SH2D2A: variants seen among roughly 807,000 people sequenced by gnomAD.
SH2D2A encodes the protein SH2 domain-containing protein 2A.
Under a neutral mutation model 43.6 loss-of-function variants are expected in SH2D2A, and 33 were observed. That is an observed-to-expected ratio of 0.76 (90% CI 0.57 to 1.01). The LOEUF (loss-of-function observed/expected upper bound fraction) is 1.01. Among genes scored for constraint, SH2D2A ranks in the 50% least tolerant of loss-of-function variants. The pLI, the probability that SH2D2A is intolerant of heterozygous loss-of-function variation, is 0.00. For missense variants in SH2D2A, 491 were observed against 503.1 expected, an observed-to-expected ratio of 0.98 and a Z score of 0.23; for synonymous variants, 212 against 206.1, an observed-to-expected ratio of 1.03 and a Z score of -0.25.
Position 156,809,180 on chromosome 1 carries a change from C to T in SH2D2A, c.1002+23G>A. 1.3e-6 allele frequency: 2 copies of T among 1,582,550 alleles called. No homozygotes were observed. The highest frequency in any genetic ancestry group is 1.7e-6 in the Non-Finnish European group (2 of 1,163,180). ...CTGCAGGGAGACCTTCTTGCACCTA[C>T]CTTTCCCTGCATACCCATTTACCTG... is the stretch of plus-strand genomic sequence containing the variant. On this transcript the variant is annotated intron_variant, in intron 7 of 8. Coordinates refer to ENST00000368199, the MANE Select transcript of SH2D2A (RefSeq NM_003975.4). This position sits in a 1 kb window ranked among gnomAD's most constrained non-coding sequence, Gnocchi z 4.8.
At position 156,815,417 on chromosome 1, in the gene SH2D2A, C is replaced by T. The variant is rs1209527119; in HGVS notation, c.124-196G>A. On this transcript the variant is annotated intron_variant, in intron 2 of 8. Transcript: ENST00000368199. ...CTCCAGCTGTTCTGGCTTCCAGAGA[C>T]TCTCCTTCCTTTGCCCTCTGGGTCC... 5.2e-6 allele frequency: 3 copies of T among 573,996 alleles called. No individual in the cohort carries two copies. The African/African-American group carries it at 5.6e-5, about 11-fold the overall frequency. The allele number at this position is 573,996 out of a possible 1,614,324, so 35.6% of individuals were successfully genotyped here.
intron 1 of SH2D2A, 124 bp from the exon 2 acceptor site, chr1:156,816,218 C>G: frequency 7.0e-7 from 1 of 1,429,828 alleles, no homozygotes; most frequent in Non-Finnish European, 9.3e-7. Flanking sequence ...ACAGGAAAAA[C>G]GCAGAAGGGC....
intron 2 of SH2D2A, 69 bp from the exon 3 acceptor site, chr1:156,815,290 A>G (rs944690839): frequency 1.2e-5 from 15 of 1,207,486 alleles, no homozygotes; most frequent in Non-Finnish European, 1.5e-5. Flanking sequence ...ACTTTGATCC[A>G]CCTGCCACCT....
intron 7 of SH2D2A, among the ~76,000 whole-genome samples, chr1:156,808,726 G>C (rs1191146666): frequency 2.0e-5 from 3 of 152,162 alleles, no homozygotes; most frequent in African/African-American, 7.2e-5. Context: ...CAGGCTGGGA[G>C]AGCAGGGTCC....
At chr1:156,814,120 G>C (rs1485443957) in intron 4 of SH2D2A, 85 bp downstream of exon 4, 12 of 1,561,330 alleles carry the variant, frequency 7.7e-6, no homozygotes, top group Admixed American at 1.8e-5. Flanking sequence ...TGAGCTAAGA[G>C]CCCGGCTCCT....
intron 7 of SH2D2A, among the ~76,000 whole-genome samples, chr1:156,808,709 A>G (rs1485846577): frequency 1.3e-5 from 2 of 152,134 alleles, no homozygotes; most frequent in African/African-American, 4.8e-5. Context: ...CAGGGAGTAC[A>G]CAGAAGCAGG....
intron 2 of SH2D2A, 110 bp downstream of exon 2, chr1:156,815,896 A>G: frequency 6.2e-7 from 1 of 1,613,278 alleles, no homozygotes; most frequent in Non-Finnish European, 8.5e-7. Flanking sequence ...GACCCGGATC[A>G]TTCCTGCCTT....
At chr1:156,812,445 C>T (rs1239898716) in intron 5 of SH2D2A, among the ~76,000 whole-genome samples, 1 of 152,242 alleles carries the variant, frequency 6.6e-6, no homozygotes, top group Non-Finnish European at 1.5e-5. Context: ...ATTCCTCAGA[C>T]ACACCAAGTC....
In SH2D2A at chr1:156,809,100, C is replaced by A; in HGVS notation, c.1002+103G>T. 1 of 1,255,862 alleles carries A rather than the reference C, an allele frequency of 8.0e-7. No individual in the cohort carries two copies. 77.8% of individuals were successfully genotyped at this position (1,255,862 alleles called of 1,614,324 possible). ...CCCACATCACCTCACACCTCTGCCC[C>A]TTACCCTGCCCCAGGCATCCACTCT... is the stretch of plus-strand genomic sequence containing the variant. On this transcript the variant is annotated intron_variant, in intron 7 of 8. Coordinates refer to ENST00000368199, the MANE Select transcript of SH2D2A (RefSeq NM_003975.4). This position sits in a 1 kb window ranked among gnomAD's most constrained non-coding sequence, Gnocchi z 4.8.
chr1:156,813,582 A>G (rs973220297), intron 5 of SH2D2A, among the ~76,000 whole-genome samples: 9 of 152,002 alleles, frequency 5.9e-5, no homozygotes, highest in Non-Finnish European at 8.8e-5. Flanking sequence ...AAAACCCCAA[A>G]TGACTCTGTG....
At chr1:156,815,534 T>C in intron 2 of SH2D2A, 1 of 602,042 alleles carries the variant, frequency 1.7e-6, no homozygotes, top group Non-Finnish European at 3.0e-6. Flanking sequence ...GACAGAGTCA[T>C]TCCCTGGCCT....
intron 1 of SH2D2A, 79 bp downstream of exon 1, chr1:156,816,596 G>T: frequency 6.8e-7 from 1 of 1,474,226 alleles, no homozygotes; most frequent in Non-Finnish European, 9.3e-7. Flanking sequence ...TGAAGTGGGA[G>T]CTCAAGCCCA....
At position 156,807,252 on chromosome 1, in the gene SH2D2A, G is replaced by C. The variant is rs765013331; in HGVS notation, c.1096C>G (p.Leu366Val). The C allele has an allele frequency of 3.1e-6, 5 of 1,609,830 alleles. No homozygotes were observed. The highest frequency in any genetic ancestry group is 2.5e-6 in the Non-Finnish European group (3 of 1,179,690). ...HQPPPAWRHTLPHNLSRQVLQ... is the reference protein window; with the variant it reads ...HQPPPAWRHTVPHNLSRQVLQ... ...ACCTGTCTAGAAAGATTGTGGGGGAGGGTGTGTCTCCAGGCGGGTGGGGGC... is the reference window on the plus strand; with the variant it reads ...ACCTGTCTAGAAAGATTGTGGGGGACGGTGTGTCTCCAGGCGGGTGGGGGC... Residue 366 changes from leucine (L) to valine (V), a missense_variant, in exon 8 of 9, where the codon CTC (leucine) becomes GTC (valine). Physicochemically the swap from Leu to Val is conservative, Grantham distance 32 (BLOSUM62 1). Coordinates refer to ENST00000368199, the MANE Select transcript of SH2D2A (RefSeq NM_003975.4). The surrounding 1 kb of genome is among the most constrained non-coding windows in gnomAD (Gnocchi z 5.1).
In SH2D2A at chr1:156,809,611, C is replaced by A. The variant is rs767988556; in HGVS notation, c.714+50G>T. On this transcript the variant is annotated intron_variant, in intron 6 of 8. Transcript: ENST00000368199. This position sits in a 1 kb window ranked among gnomAD's most constrained non-coding sequence, Gnocchi z 4.8. Reference sequence around the variant, plus strand: ...CCCCTCCTCCTCCCCGCTGCCTGCACCCCCTCGCAGGCCTGTCCTCCCACT... The same window carrying A: ...CCCCTCCTCCTCCCCGCTGCCTGCAACCCCTCGCAGGCCTGTCCTCCCACT... The A allele has an allele frequency of 1.9e-6, 3 of 1,573,358 alleles. No homozygotes were observed. The highest frequency in any genetic ancestry group is 1.9e-5 in the Admixed American group (1 of 52,838).
At position 156,807,285 on chromosome 1, in the gene SH2D2A, G is replaced by GGGGGGGGC; in HGVS notation, c.1062_1063insGCCCCCCC (p.Pro355AlafsTer75). 7.0e-7 allele frequency: 1 copy of GGGGGGGGC among 1,431,404 alleles called. No homozygotes were observed. The highest frequency in any genetic ancestry group is 9.5e-7 in the Non-Finnish European group (1 of 1,055,938). The allele number at this position is 1,431,404 out of a possible 1,614,324, so 88.7% of individuals were successfully genotyped here. On this transcript the variant is annotated frameshift_variant, in exon 8 of 9. Transcript: ENST00000368199. LOFTEE classifies it high-confidence loss of function. The surrounding 1 kb of genome is among the most constrained non-coding windows in gnomAD (Gnocchi z 5.1). Reference sequence around the variant, plus strand: ...CTCCAGGCGGGTGGGGGCTGGTGGGGCAGGGGAGGGCCTTGCCCAATCACA... The same window carrying GGGGGGGGC: ...CTCCAGGCGGGTGGGGGCTGGTGGGGGGGGGGGCCAGGGGAGGGCCTTGCCCAATCACA...
intron 1 of SH2D2A, 102 bp from the exon 2 acceptor site, chr1:156,816,196 A>G: frequency 6.8e-7 from 1 of 1,480,232 alleles, no homozygotes; most frequent in Non-Finnish European, 9.0e-7. Flanking sequence ...GAGGGCTGGG[A>G]CAGTCTTAAC....
In SH2D2A at chr1:156,806,569, C is replaced by T. The variant is rs1035555282; in HGVS notation, c.*8G>A. ...CAGGCTTCTTTGTTGGGGGTCAGGC[C>T]AGACCTGTCAGGGGGACAGAGTTAA... On this transcript the variant is annotated 3_prime_UTR_variant, in exon 9 of 9. Transcript: ENST00000368199. 2 of 155,342 alleles carry T rather than the reference C, an allele frequency of 1.3e-5. No individual in the cohort carries two copies. The highest frequency in any genetic ancestry group is 4.8e-5 in the African/African-American group (2 of 41,586). The allele number at this position is 155,342 out of a possible 1,614,324, so 9.6% of individuals were successfully genotyped here.
At position 156,810,525 on chromosome 1, in the gene SH2D2A, AT is replaced by A. The variant is rs59571284; in HGVS notation, c.568-719del. Among the ~76,000 whole-genome samples, 754 of 146,538 alleles carry A rather than the reference AT, an allele frequency of 5.1e-3. 4 individuals are homozygous for A. The highest frequency in any genetic ancestry group is 0.017 in the Middle Eastern group (5 of 286). The stretch of plus-strand genomic sequence containing the variant: ...CGGTTACTTTATGGAAATATAAGCT[AT>A]TTTTTTTTTTTTGAGACCAAGTCTC... On this transcript the variant is annotated intron_variant, in intron 5 of 8. Transcript: ENST00000368199.
In SH2D2A at chr1:156,813,891, A is replaced by G; in HGVS notation, c.524T>C (p.Leu175Pro). 22 of 1,542,682 alleles carry G rather than the reference A, an allele frequency of 1.4e-5. No homozygotes were observed. The highest frequency in any genetic ancestry group is 1.9e-5 in the Non-Finnish European group (22 of 1,148,194). ...GGTGAGCGTCTCCCCGTAGGGGCTG[A>G]GCGGGTGCGCGGTGTAGTGCAGCAG... Reference protein sequence around the residue: ...DLLLHYTAHPLSPYGETLTEP... With the variant: ...DLLLHYTAHPPSPYGETLTEP... Residue 175 changes from leucine (L) to proline (P), a missense_variant, in exon 5 of 9, where the codon CTC becomes CCC. Leu to Pro is a moderately conservative substitution (Grantham distance 98). Transcript: ENST00000368199.
Sources: allele counts gnomAD v4.1 joint callset (sites outside exome capture counted in the v4.1 genomes callset), GRCh38; gene constraint gnomAD v4.1.1; non-coding constraint Gnocchi (gnomAD v3.1); transcripts MANE v1.5; gene names NCBI Gene and HGNC (gene_info 2026-07-23, HGNC 2026-07-21).